Variants in PARD3B observed in about 807,000 individuals in gnomAD.
PARD3B encodes the protein par-3 family cell polarity regulator beta.
Under a neutral mutation model 130.2 loss-of-function variants are expected in PARD3B, and 103 were observed. The ratio of observed to expected loss-of-function variants is 0.79; its 90% CI spans 0.67 to 0.93. The LOEUF (loss-of-function observed/expected upper bound fraction) is 0.93. PARD3B is among the 40% of genes least tolerant of loss of function. The pLI is 0.00. For synonymous variants in PARD3B, 583 were observed against 553.2 expected (o/e 1.05, Z -0.76); for missense variants, 1,609 against 1,499.2 (o/e 1.07, Z -1.21).
At chr2:204,940,066 A>G (rs1431591077) in intron 2 of PARD3B, among the ~76,000 whole-genome samples, 4 of 152,356 alleles carry the variant, frequency 2.6e-5, no homozygotes, top group East Asian at 1.9e-4. Context: ...AAAAATATTC[A>G]TAAGAGAGCT....
Position 205,160,072 on chromosome 2 carries a change from A to G in PARD3B, c.1620+1165A>G, listed in dbSNP as rs2034417899. Among the ~76,000 whole-genome samples, 1 of 152,184 alleles carries G rather than the reference A, an allele frequency of 6.6e-6. No homozygotes were observed. Among genetic ancestry groups the G allele is most frequent in the Non-Finnish European group, 1.5e-5 (1 of 68,038 alleles). On this transcript the variant is annotated intron_variant, in intron 11 of 22. Transcript: ENST00000406610. The surrounding 1 kb of genome is among the most constrained non-coding windows in gnomAD (Gnocchi z 4.0). ...TTGAAGCAACTGTCGTCTCACACTT[A>G]CCCTTCCACTTTTGTTTCAGACTAG...
intron 2 of PARD3B, among the ~76,000 whole-genome samples, chr2:204,882,603 G>C (rs1156700554): frequency 6.6e-6 from 1 of 152,190 alleles, no homozygotes; most frequent in East Asian, 1.9e-4. Context: ...GAAAGCTGCA[G>C]GCTGGTTCTA....
intron 1 of PARD3B, among the ~76,000 whole-genome samples, chr2:204,554,083 T>C (rs2030741599): frequency 6.6e-6 from 1 of 152,112 alleles, no homozygotes; most frequent in South Asian, 2.1e-4. Flanking sequence ...AGCACATGCT[T>C]CCTGGAACCT....
chr2:205,475,058 G>A (rs1176711605), intron 20 of PARD3B, among the ~76,000 whole-genome samples: 1 of 152,120 alleles, frequency 6.6e-6, no homozygotes, highest in Non-Finnish European at 1.5e-5. Context: ...TTTGGATGCA[G>A]GCTTTTATCT....
intron 2 of PARD3B, among the ~76,000 whole-genome samples, chr2:204,842,006 A>C (rs2044274781): frequency 6.6e-6 from 1 of 152,170 alleles, no homozygotes; most frequent in South Asian, 2.1e-4. Context: ...AATATTCCAG[A>C]AGGTTCAACT....
chr2:205,284,371 G>C (rs538381996), intron 16 of PARD3B, among the ~76,000 whole-genome samples: 1 of 152,190 alleles, frequency 6.6e-6, no homozygotes, highest in South Asian at 2.1e-4. Flanking sequence ...TCTCTTACTG[G>C]AATATTTGTT....
At chr2:204,822,178 C>T (rs2043387294) in intron 2 of PARD3B, among the ~76,000 whole-genome samples, 1 of 152,186 alleles carries the variant, frequency 6.6e-6, no homozygotes, top group African/African-American at 2.4e-5. Context: ...TCTAACCCTC[C>T]TGGGTGACTT....
chr2:205,570,731 A>G (rs1247309760), intron 22 of PARD3B, among the ~76,000 whole-genome samples: 1 of 152,190 alleles, frequency 6.6e-6, no homozygotes, highest in Non-Finnish European at 1.5e-5. Flanking sequence ...TAGAGACCAG[A>G]CGTATGTGTT....
intron 3 of PARD3B, among the ~76,000 whole-genome samples, chr2:205,025,220 G>T (rs1575581378): frequency 1.3e-5 from 2 of 152,166 alleles, no homozygotes; most frequent in East Asian, 3.9e-4. Flanking sequence ...ACTGCTCACG[G>T]CTATTAGTCA....
rs538603283 is a variant in PARD3B, at chr2:205,271,789, T to C, written c.2185+25967T>C. On this transcript the variant is annotated intron_variant, in intron 16 of 22. Coordinates refer to ENST00000406610, the MANE Select transcript of PARD3B (RefSeq NM_001302769.2). ...CATATTGCTTTTAAAAGAAAACATATCAGACTTAAAAGTTATTTAAATCTT... is the reference window on the plus strand; with the variant it reads ...CATATTGCTTTTAAAAGAAAACATACCAGACTTAAAAGTTATTTAAATCTT... Among the ~76,000 whole-genome samples the C allele has an allele frequency of 3.3e-5, 5 of 152,360 alleles. No individual in the cohort carries two copies. The East Asian group carries it at 9.6e-4, about 29-fold the overall frequency.
intron 2 of PARD3B, among the ~76,000 whole-genome samples, chr2:204,763,168 G>A (rs576800190): frequency 2.0e-5 from 3 of 152,242 alleles, no homozygotes; most frequent in Non-Finnish European, 2.9e-5. Flanking sequence ...ATGCATCTCA[G>A]GGCTTGACCT....
intron 2 of PARD3B, among the ~76,000 whole-genome samples, chr2:204,774,117 A>G (rs2041509468): frequency 6.6e-6 from 1 of 151,546 alleles, no homozygotes; most frequent in Non-Finnish European, 1.5e-5. Context: ...ACTCCTCTTG[A>G]TTTCTGCTTG....
At position 205,525,896 on chromosome 2, in the gene PARD3B, C is replaced by T. The variant is rs991362712; in HGVS notation, c.3180+25865C>T. Among the ~76,000 whole-genome samples, 27 of 152,182 alleles carry T rather than the reference C, an allele frequency of 1.8e-4. No homozygotes were observed. Among genetic ancestry groups the T allele is most frequent in the African/African-American group, 4.1e-4 (17 of 41,456 alleles). On this transcript the variant is annotated intron_variant, in intron 21 of 22. Transcript: ENST00000406610. This position sits in a 1 kb window ranked among gnomAD's most constrained non-coding sequence, Gnocchi z 4.2. ...CCGGGAAGGTGCAAGAAAATCTGAT[C>T]CTTTTTCAAAAATCATCTTAGAATC... is the stretch of plus-strand genomic sequence containing the variant.
At chr2:205,615,283 G>A (rs747185442) in intron 22 of PARD3B, among the ~76,000 whole-genome samples, 173 bp from the exon 23 acceptor site, 19 of 152,100 alleles carry the variant, frequency 1.2e-4, no homozygotes, top group Non-Finnish European at 2.6e-4. Flanking sequence ...AAGGAGAGAA[G>A]GGAAGAAGTT....
At chr2:205,025,763 G>A (rs147418468) in intron 3 of PARD3B, among the ~76,000 whole-genome samples, 34 of 152,218 alleles carry the variant, frequency 2.2e-4, no homozygotes, top group African/African-American at 7.5e-4. Flanking sequence ...ATCCAAGGCT[G>A]ACTCCTATTC....
chr2:204,988,481 C>CTT (rs1693371072), intron 3 of PARD3B, among the ~76,000 whole-genome samples: 1 of 152,070 alleles, frequency 6.6e-6, no homozygotes, highest in Non-Finnish European at 1.5e-5. Flanking sequence ...TTCAAAATAA[C>CTT]TAAAAGATTG....
chr2:204,784,233 T>C (rs2041932838), intron 2 of PARD3B, among the ~76,000 whole-genome samples: 1 of 152,174 alleles, frequency 6.6e-6, no homozygotes, highest in South Asian at 2.1e-4. Context: ...ACATGCCTAC[T>C]CTAACTAGTG....
At chr2:204,614,667 G>T (rs987383453) in intron 1 of PARD3B, among the ~76,000 whole-genome samples, 1 of 152,106 alleles carries the variant, frequency 6.6e-6, no homozygotes, top group African/African-American at 2.4e-5. Context: ...AATCATGGGG[G>T]CAGTTTCTCA....
intron 22 of PARD3B, among the ~76,000 whole-genome samples, chr2:205,578,502 G>A (rs1025993580): frequency 1.3e-5 from 2 of 152,094 alleles, no homozygotes; most frequent in African/African-American, 4.8e-5. Flanking sequence ...TATTGGCGAA[G>A]TACACAAGCA....
Sources: gnomAD v4.1 joint callset for allele counts (sites outside exome capture counted in the v4.1 genomes callset) on GRCh38, gnomAD v4.1.1 for gene constraint, Gnocchi (gnomAD v3.1) non-coding constraint, MANE v1.5 for transcripts, NCBI Gene and HGNC (gene_info 2026-07-23, HGNC 2026-07-21) for gene names.